CARD8: variants seen among roughly 807,000 people sequenced by gnomAD.
The protein encoded by CARD8 is caspase recruitment domain family member 8, also known as caspase recruitment domain-containing protein 8.
CARD8 carries 38 observed loss-of-function variants against 53.2 expected under a neutral mutation model. The ratio of observed to expected loss-of-function variants is 0.71; its 90% CI spans 0.55 to 0.94. CARD8 has a LOEUF of 0.94. Among genes scored for constraint, CARD8 ranks in the 40% least tolerant of loss-of-function variants. CARD8 has a pLI of 0.00. For synonymous variants in CARD8, 245 were observed against 244.9 expected (o/e 1.00, Z 0.00); for missense variants, 561 against 655.5 (o/e 0.86, Z 1.57).
At chr19:48,237,367 T>C (rs1261634001) in intron 5 of CARD8, among the ~76,000 whole-genome samples, 1 of 152,066 alleles carries the variant, frequency 6.6e-6, no homozygotes, top group Non-Finnish European at 1.5e-5. Context: ...ACCAAAGGAA[T>C]GGTGCTAAAC....
At chr19:48,207,133 A>G (rs1053377402), downstream of CARD8, among the ~76,000 whole-genome samples, 28 of 138,730 alleles carry the variant, frequency 2.0e-4, no homozygotes, top group African/African-American at 7.2e-4. Flanking sequence ...ACGCCACTGC[A>G]CTCCAACCTG....
chr19:48,250,033 G>A (rs953306916), intron 1 of CARD8, among the ~76,000 whole-genome samples, 186 bp from the exon 2 acceptor site: 54 of 152,184 alleles, frequency 3.5e-4, no homozygotes, highest in African/African-American at 1.3e-3. Context: ...TTTAATTTCT[G>A]TAATAATAAT....
At chr19:48,220,983 AAGGAAGGAAG>A (rs2040444758) in intron 11 of CARD8, among the ~76,000 whole-genome samples, 2 of 99,306 alleles carry the variant, frequency 2.0e-5, no homozygotes, top group Non-Finnish European at 4.3e-5. Context: ...GGAAGGAAGG[AAGGAAGGAAG>A]GAAAGAAAGA....
chr19:48,221,025 A>T, intron 11 of CARD8, among the ~76,000 whole-genome samples: 1 of 150,456 alleles, frequency 6.6e-6, no homozygotes, highest in Non-Finnish European at 1.5e-5. Context: ...AGAAAGAAAG[A>T]GAGAAAGAGG....
intron 1 of CARD8, among the ~76,000 whole-genome samples, chr19:48,255,351 C>T (rs1461065907): frequency 2.0e-5 from 3 of 151,930 alleles, no homozygotes; most frequent in Non-Finnish European, 2.9e-5. Flanking sequence ...AGCCACAGAG[C>T]GAGACTCCAT....
At chr19:48,254,472 G>C (rs959623373) in intron 1 of CARD8, among the ~76,000 whole-genome samples, 1 of 152,142 alleles carries the variant, frequency 6.6e-6, no homozygotes, top group Non-Finnish European at 1.5e-5. Flanking sequence ...AGAAATGCAG[G>C]CCTGGTGCGG....
chr19:48,204,299 C>A, downstream of CARD8: 2 of 423,788 alleles, frequency 4.7e-6, no homozygotes, highest in South Asian at 3.4e-5. Flanking sequence ...AGACTAACAG[C>A]CTGGGAACTG....
intron 11 of CARD8, among the ~76,000 whole-genome samples, chr19:48,219,662 T>C (rs1234836702): frequency 6.6e-6 from 1 of 152,048 alleles, no homozygotes; most frequent in East Asian, 1.9e-4. Context: ...TGAGGAGAGT[T>C]TACCTCGCTC....
downstream of CARD8, among the ~76,000 whole-genome samples, chr19:48,207,864 C>A (rs2037465383): frequency 6.6e-6 from 1 of 151,132 alleles, no homozygotes; most frequent in South Asian, 2.1e-4. Context: ...GCCTCCCGAG[C>A]AGCTGGGATT....
downstream of CARD8, chr19:48,206,351 A>G (rs890302388): frequency 2.3e-6 from 1 of 434,892 alleles, no homozygotes; most frequent in Admixed American, 2.5e-5. Context: ...ATTATAATGA[A>G]ATAAAACTCA....
chr19:48,204,107 T>C, downstream of CARD8: 2 of 452,514 alleles, frequency 4.4e-6, no homozygotes, highest in East Asian at 1.4e-4. Context: ...TGGATCTCCT[T>C]GTCCAAAGGG....
rs369024297 is a variant in CARD8 at position 48,218,498 on chromosome 19, G to T, written c.1303+373C>A. ...GCCTCCCACGTAGCCAGGACTACAGGCATGTACCACCACACCTGGCTAATT... is the reference window on the plus strand; with the variant it reads ...GCCTCCCACGTAGCCAGGACTACAGTCATGTACCACCACACCTGGCTAATT... On this transcript the variant is annotated intron_variant, in intron 12 of 13. Transcript: ENST00000651546. 2.9e-4 allele frequency among the ~76,000 whole-genome samples: 44 copies of T among 151,992 alleles called. 1 individual carries two copies. Among genetic ancestry groups the T allele is most frequent in the African/African-American group, 1.1e-3 (44 of 41,456 alleles).
At chr19:48,252,808 T>TACACACAC (rs71334279) in intron 1 of CARD8, among the ~76,000 whole-genome samples, 2 of 148,182 alleles carry the variant, frequency 1.3e-5, no homozygotes, top group East Asian at 2.0e-4. Flanking sequence ...TATCAGTATA[T>TACACACAC]ACACACACAC....
At chr19:48,237,068 G>A (rs937649458) in intron 5 of CARD8, among the ~76,000 whole-genome samples, 22 of 152,124 alleles carry the variant, frequency 1.4e-4, no homozygotes, top group African/African-American at 4.8e-4. Flanking sequence ...GAGACACCGC[G>A]CCTGGCCTGT....
At chr19:48,204,804 A>G (rs2037283357), downstream of CARD8, among the ~76,000 whole-genome samples, 1 of 152,168 alleles carries the variant, frequency 6.6e-6, no homozygotes, top group South Asian at 2.1e-4. Context: ...TTCTGTTGTT[A>G]TTTATAGAAG....
At chr19:48,213,306 T>C (rs767145585) in intron 13 of CARD8, among the ~76,000 whole-genome samples, 2 of 152,050 alleles carry the variant, frequency 1.3e-5, no homozygotes, top group Non-Finnish European at 2.9e-5. Flanking sequence ...GTTCCAAACC[T>C]GGATTTATTG....
intron 6 of CARD8, chr19:48,232,735 A>G (rs10410473): frequency 0.031 from 19,861 of 650,416 alleles, 1,076 homozygotes; most frequent in African/African-American, 0.17. Flanking sequence ...TGTGTAGCAG[A>G]GAATGGAACA....
chr19:48,238,218 A>T, intron 5 of CARD8, 165 bp downstream of exon 5: 1 of 1,288,204 alleles, frequency 7.8e-7, no homozygotes, highest in Non-Finnish European at 1.0e-6. Context: ...TATGAGATAC[A>T]AACTCTTTTG....
intron 12 of CARD8, among the ~76,000 whole-genome samples, chr19:48,216,175 ATC>A (rs1190219280): frequency 6.6e-6 from 1 of 152,132 alleles, no homozygotes; most frequent in Non-Finnish European, 1.5e-5. Flanking sequence ...CCTGGAAAAA[ATC>A]TTTTTTAAAT....
Sources: gnomAD v4.1 joint callset for allele counts (sites outside exome capture counted in the v4.1 genomes callset) on GRCh38, gnomAD v4.1.1 for gene constraint, MANE v1.5 for transcripts, NCBI Gene and HGNC (gene_info 2026-07-23, HGNC 2026-07-21) for gene names.